LAMA3: variants seen among roughly 807,000 people sequenced by gnomAD.
LAMA3 encodes laminin subunit alpha-3.
In LAMA3, 281 loss-of-function variants were observed where a neutral mutation model predicts 402.0. The ratio of observed to expected loss-of-function variants is 0.70; its 90% confidence interval spans 0.63 to 0.77. The LOEUF (loss-of-function observed/expected upper bound fraction) is 0.77. Ranked by LOEUF, LAMA3 falls within the 30% of genes least tolerant of loss-of-function variation. The pLI is 0.00. For synonymous variants in LAMA3, 1,431 were observed against 1,558.4 expected, an observed-to-expected ratio of 0.92 and a Z score of 1.93; for missense variants, 3,840 against 4,215.5, an observed-to-expected ratio of 0.91 and a Z score of 2.47.
chr18:23,716,163 AT>A (rs36010076), intron 2 of LAMA3, among the ~76,000 whole-genome samples: 223 of 145,748 alleles, frequency 1.5e-3, no homozygotes, highest in African/African-American at 1.4e-3. Context: ...TACCATATCG[AT>A]TTTTTTTTTT....
intron 39 of LAMA3, among the ~76,000 whole-genome samples, chr18:23,877,422 G>C (rs2064757815): frequency 6.6e-6 from 1 of 152,166 alleles, no homozygotes; most frequent in South Asian, 2.1e-4. Flanking sequence ...GGCCTCCCCA[G>C]TGAGGAAAAT....
intron 44 of LAMA3, among the ~76,000 whole-genome samples, chr18:23,895,967 T>C (rs2080861745): frequency 6.6e-6 from 1 of 152,186 alleles, no homozygotes; most frequent in African/African-American, 2.4e-5. Flanking sequence ...CCTTGCAATG[T>C]TATGTTTTCA....
rs548540018 is a variant in LAMA3 at position 23,945,143 on chromosome 18, A to AT, written c.9211-1000dup. ...GCAAGACTCTGTCAAAAAAATAAAA[A>AT]TAAAAAAAATAAAACTCTTACATGT... On this transcript the variant is annotated intron_variant, in intron 69 of 74. Coordinates refer to ENST00000313654, the MANE Select transcript of LAMA3 (RefSeq NM_198129.4). Among the ~76,000 whole-genome samples the AT allele has an allele frequency of 7.2e-4, 110 of 152,332 alleles. 1 individual carries two copies. The South Asian group carries it at 0.023, about 32-fold the overall frequency.
At chr18:23,723,358 C>T (rs958274958) in intron 2 of LAMA3, among the ~76,000 whole-genome samples, 20 of 152,308 alleles carry the variant, frequency 1.3e-4, no homozygotes, top group African/African-American at 4.6e-4. Context: ...GGGACTGACT[C>T]AGTTAGTGGA....
intron 2 of LAMA3, among the ~76,000 whole-genome samples, chr18:23,747,011 C>A (rs889435245): frequency 6.6e-6 from 1 of 151,958 alleles, no homozygotes; most frequent in South Asian, 2.1e-4. Context: ...CTAGAGGAGC[C>A]TGTGGTTCAA....
At chr18:23,771,498 A>G (rs900702516) in intron 8 of LAMA3, among the ~76,000 whole-genome samples, 2 of 152,242 alleles carry the variant, frequency 1.3e-5, no homozygotes, top group African/African-American at 4.8e-5. Flanking sequence ...TCACAGATGT[A>G]TGCATTTGTC....
chr18:23,746,153 C>T (rs899018708), intron 2 of LAMA3, among the ~76,000 whole-genome samples: 1 of 152,136 alleles, frequency 6.6e-6, no homozygotes, highest in African/African-American at 2.4e-5. Context: ...TGTTGGTAGA[C>T]AACTCGGGAG....
At chr18:23,898,192 T>C (rs2080941058) in intron 44 of LAMA3, 1 of 158,410 alleles carries the variant, frequency 6.3e-6, no homozygotes, top group Non-Finnish European at 1.4e-5. Context: ...CGGATTATGG[T>C]CCTGAAGCAA....
At chr18:23,712,977 A>G (rs769841866) in intron 1 of LAMA3, among the ~76,000 whole-genome samples, 16 of 152,108 alleles carry the variant, frequency 1.1e-4, no homozygotes, top group Non-Finnish European at 2.1e-4. Flanking sequence ...GACATAGAAG[A>G]AAGGCCTATG....
At chr18:23,761,371 G>A (rs1447312474) in intron 7 of LAMA3, among the ~76,000 whole-genome samples, 4 of 152,278 alleles carry the variant, frequency 2.6e-5, no homozygotes, top group Non-Finnish European at 5.9e-5. Context: ...ATTCCCATAC[G>A]ATTACCATAT....
chr18:23,708,752 A>C (rs954491137), intron 1 of LAMA3, among the ~76,000 whole-genome samples: 3 of 151,046 alleles, frequency 2.0e-5, no homozygotes, highest in Admixed American at 2.0e-4. Context: ...TTCTTTTTTT[A>C]TTTTTTATTT....
intron 32 of LAMA3, among the ~76,000 whole-genome samples, chr18:23,848,016 G>T (rs1304745021): frequency 2.0e-5 from 3 of 152,238 alleles, no homozygotes. Context: ...TGTGTGCTTT[G>T]CTGGGATGCC....
chr18:23,741,471 C>T lies in LAMA3; in HGVS notation c.448-6472C>T, dbSNP rs553027080. The stretch of plus-strand genomic sequence containing the variant: ...TAATAAACTGCAGTTGAATTTTAAT[C>T]GCCATCGTTTCTTCTCAATTAAAAA... On this transcript the variant is annotated intron_variant, in intron 2 of 74. Coordinates refer to ENST00000313654, the MANE Select transcript of LAMA3 (RefSeq NM_198129.4). Among the ~76,000 whole-genome samples the T allele has an allele frequency of 3.3e-5, 5 of 151,784 alleles. No homozygotes were observed. The South Asian group carries it at 6.2e-4, about 19-fold the overall frequency.
rs2063535770 is a variant in LAMA3, at chr18:23,833,994, C to T, written c.2984+6C>T. 1 of 1,614,048 alleles carries T rather than the reference C, an allele frequency of 6.2e-7. No homozygotes were observed. The highest frequency in any genetic ancestry group is 1.3e-5 in the African/African-American group (1 of 74,942). ...ATTTACAGCTGCAACTACAGGTACT[C>T]AGCCCCACCAAGGGAATTCCTCTGT... On this transcript the variant is annotated splice_donor_region_variant and intron_variant, in intron 24 of 74. Coordinates refer to ENST00000313654, the MANE Select transcript of LAMA3 (RefSeq NM_198129.4).
chr18:23,900,805 C>A (rs914752275), intron 47 of LAMA3, among the ~76,000 whole-genome samples: 1 of 152,136 alleles, frequency 6.6e-6, no homozygotes, highest in Non-Finnish European at 1.5e-5. Context: ...ATGCACTTTA[C>A]CCCCTGCAGC....
chr18:23,887,400 C>G (rs1457299237), intron 41 of LAMA3, among the ~76,000 whole-genome samples: 1 of 152,184 alleles, frequency 6.6e-6, no homozygotes, highest in Non-Finnish European at 1.5e-5. Context: ...CTCTTTATGG[C>G]TCTTCACAAA....
In LAMA3 at chr18:23,915,346, A is replaced by G. The variant is rs770819099; in HGVS notation, c.7702A>G (p.Asn2568Asp). 2 of 1,613,388 alleles carry G rather than the reference A, an allele frequency of 1.2e-6. No homozygotes were observed. The highest frequency in any genetic ancestry group is 1.7e-6 in the Non-Finnish European group (2 of 1,179,310). ...YKGCIELDDL[N>D]ENVLSLYNFK... ...AGGTTGTATTGAATTAGATGACCTC[A>G]ATGAAAATGTTCTGAGCTTGTACAA... Residue 2568 changes from asparagine (N) to aspartate (D), a missense_variant, in exon 59 of 75, where the codon AAT (asparagine) becomes GAT (aspartate). Asn to Asp is a conservative substitution (Grantham distance 23). Transcript: ENST00000313654.
intron 48 of LAMA3, 150 bp downstream of exon 48, chr18:23,901,473 A>T: frequency 5.8e-6 from 4 of 695,376 alleles, no homozygotes; most frequent in Non-Finnish European, 7.5e-6. Flanking sequence ...CAAAGCGTTA[A>T]GTGCAAAACC....
rs770614208 is a variant in LAMA3, at chr18:23,867,908, C to T, written c.4758C>T (p.His1586=). The change falls in exon 37 of 75, where the codon CAC becomes CAT. Residue 1586 remains histidine (H), a synonymous_variant. Transcript: ENST00000313654. ...RPDRLHHGRV[H]VVEGNFRHAS... ...ACCGGCTGCATCATGGACGAGTGCACGTGGTCGAGGTAAAGGAAGAGCAAC... is the reference window on the plus strand; with the variant it reads ...ACCGGCTGCATCATGGACGAGTGCATGTGGTCGAGGTAAAGGAAGAGCAAC... 33 of 1,613,474 alleles carry T rather than the reference C, an allele frequency of 2.0e-5. 1 individual carries two copies. Among genetic ancestry groups the T allele is most frequent in the African/African-American group, 9.4e-5 (7 of 74,846 alleles).
Sources: gnomAD v4.1 joint callset for allele counts (sites outside exome capture counted in the v4.1 genomes callset) on GRCh38, gnomAD v4.1.1 for gene constraint, MANE v1.5 for transcripts, NCBI Gene and HGNC (gene_info 2026-07-23, HGNC 2026-07-21) for gene names.